Variants in PREX1 observed in about 807,000 individuals in gnomAD.
PREX1 encodes phosphatidylinositol 3,4,5-trisphosphate-dependent Rac exchanger 1 protein.
PREX1 carries 41 observed loss-of-function variants against 198.3 expected under a neutral mutation model. That is an observed-to-expected ratio of 0.21 (90% confidence interval 0.16 to 0.27). The LOEUF (loss-of-function observed/expected upper bound fraction) is 0.27, where lower values mean the gene tolerates loss of function less well. Ranked by LOEUF, PREX1 falls within the 10% of genes least tolerant of loss-of-function variation. PREX1 has a pLI of 1.00. For synonymous variants in PREX1, 843 were observed against 887.2 expected (o/e 0.95, Z 0.89); for missense variants, 1,620 against 2,200.7 (o/e 0.74, Z 5.28).
the PREX1 span, among the ~76,000 whole-genome samples, chr20:48,876,023 G>C: frequency 1.3e-5 from 2 of 152,170 alleles, no homozygotes; most frequent in South Asian, 4.1e-4. Flanking sequence ...GGCCTGATCA[G>C]ATGGTTCGTA....
chr20:48,721,383 C>G (rs2089984530), intron 5 of PREX1, among the ~76,000 whole-genome samples: 2 of 152,200 alleles, frequency 1.3e-5, no homozygotes, highest in South Asian at 4.1e-4. Context: ...CAGAGGTGGC[C>G]AGGGAAGGCC....
chr20:48,630,927 C>A lies in PREX1; in HGVS notation c.4527-133G>T, dbSNP rs1362543169. On this transcript the variant is annotated intron_variant, in intron 35 of 39. Transcript: ENST00000371941. The stretch of plus-strand genomic sequence containing the variant: ...TCTCAGAATGAAATCCCTGAGAGCG[C>A]CTGCAGGCTGTGCTCACCCGCAGGC... 15 of 697,628 alleles carry A rather than the reference C, an allele frequency of 2.2e-5. No individual in the cohort carries two copies. In the African/African-American group the frequency reaches 2.7e-4, roughly 12 times the overall value. 43.2% of individuals were successfully genotyped at this position (697,628 alleles called of 1,614,324 possible). A position where few individuals can be genotyped will look rare whatever the true frequency, so the allele number is the denominator to read the frequency against.
intron 1 of PREX1, among the ~76,000 whole-genome samples, chr20:48,763,474 G>A (rs1409313093): frequency 6.6e-6 from 1 of 152,208 alleles, no homozygotes; most frequent in Non-Finnish European, 1.5e-5. Context: ...GTCTGCAGCA[G>A]GACAATGAGT....
intron 1 of PREX1, among the ~76,000 whole-genome samples, chr20:48,788,901 C>A (rs1353698312): frequency 8.5e-5 from 13 of 152,178 alleles, no homozygotes; most frequent in Admixed American, 8.5e-4. Context: ...GCTCAGCCCC[C>A]CTGCCACGTG....
At chr20:48,747,301 T>G (rs2090113214) in intron 2 of PREX1, among the ~76,000 whole-genome samples, 1 of 152,126 alleles carries the variant, frequency 6.6e-6, no homozygotes, top group African/African-American at 2.4e-5. Flanking sequence ...GGCTGAGCCA[T>G]GCACACAGAA....
the PREX1 span, among the ~76,000 whole-genome samples, chr20:48,863,633 G>C: frequency 6.8e-6 from 1 of 147,740 alleles, no homozygotes; most frequent in African/African-American, 2.5e-5. Flanking sequence ...TGTCGCCCAG[G>C]CTGGGATGCA....
chr20:48,846,649 A>C, the PREX1 span, among the ~76,000 whole-genome samples: 2 of 152,200 alleles, frequency 1.3e-5, no homozygotes, highest in East Asian at 1.9e-4. Flanking sequence ...CCTGGACCCC[A>C]GCAAAACTTC....
intron 3 of PREX1, among the ~76,000 whole-genome samples, chr20:48,742,381 G>A (rs1322838471): frequency 1.3e-5 from 2 of 152,184 alleles, no homozygotes; most frequent in East Asian, 3.9e-4. Context: ...CCTAGAAGGT[G>A]AGTTTTGTGA....
intron 37 of PREX1, 135 bp downstream of exon 37, chr20:48,629,314 G>C: frequency 8.1e-7 from 1 of 1,236,310 alleles, no homozygotes. Context: ...GGTGCAGACA[G>C]AGCCAAGGCT....
At chr20:48,681,150 C>A (rs371416713) in intron 11 of PREX1, 85 bp downstream of exon 11, 13 of 1,153,178 alleles carry the variant, frequency 1.1e-5, no homozygotes, top group East Asian at 7.0e-5. Context: ...AGGATAGGAG[C>A]TGCCTGAGCT....
intron 6 of PREX1, among the ~76,000 whole-genome samples, chr20:48,703,003 G>C (rs910265197): frequency 6.6e-6 from 1 of 152,200 alleles, no homozygotes; most frequent in Non-Finnish European, 1.5e-5. Context: ...GAGAGAGGGA[G>C]AATTATTCAC....
chr20:48,697,313 C>CA (rs2089851954), intron 7 of PREX1, among the ~76,000 whole-genome samples: 1 of 151,998 alleles, frequency 6.6e-6, no homozygotes, highest in Non-Finnish European at 1.5e-5. Flanking sequence ...AAGACAGGCG[C>CA]AAACAGCTGA....
rs76853109 is a variant in PREX1 at position 48,801,698 on chromosome 20, T to C, written c.219+25944A>G. ...CCCCACTTATCTTTGTCCCCTGCTATGGTTTAGCTATGGCTTATTTGTCCC... is the reference window on the plus strand; with the variant it reads ...CCCCACTTATCTTTGTCCCCTGCTACGGTTTAGCTATGGCTTATTTGTCCC... On this transcript the variant is annotated intron_variant, in intron 1 of 39. Transcript: ENST00000371941. Among the ~76,000 whole-genome samples the C allele has an allele frequency of 3.3e-5, 5 of 152,356 alleles. No individual in the cohort carries two copies. In the East Asian group the frequency reaches 9.6e-4, roughly 29 times the overall value.
intron 1 of PREX1, among the ~76,000 whole-genome samples, chr20:48,815,212 A>G (rs1159998239): frequency 6.6e-6 from 1 of 152,214 alleles, no homozygotes; most frequent in Non-Finnish European, 1.5e-5. Context: ...CCTTCTCTCA[A>G]TAACTACCAG....
At chr20:48,673,873 T>C (rs2089692295) in intron 14 of PREX1, among the ~76,000 whole-genome samples, 1 of 152,262 alleles carries the variant, frequency 6.6e-6, no homozygotes, top group Non-Finnish European at 1.5e-5. Context: ...GGCACCATTC[T>C]AAGCACTTTA....
Position 48,645,839 on chromosome 20 carries a change from G to A in PREX1, c.3512+12C>T, listed in dbSNP as rs755660660. 55 of 1,613,208 alleles carry A rather than the reference G, an allele frequency of 3.4e-5. 1 individual carries two copies. Among genetic ancestry groups the A allele is most frequent in the Middle Eastern group, 3.3e-4 (2 of 6,074 alleles). On this transcript the variant is annotated intron_variant, in intron 26 of 39. Coordinates refer to ENST00000371941, the MANE Select transcript of PREX1 (RefSeq NM_020820.4). ...CCTCATCTAACCTCAGCCCCCTGACGGTGACACCCACCTGTAGGAGTCGCG... is the reference window on the plus strand; with the variant it reads ...CCTCATCTAACCTCAGCCCCCTGACAGTGACACCCACCTGTAGGAGTCGCG...
chr20:48,640,134 A>G (rs763623428), intron 29 of PREX1, among the ~76,000 whole-genome samples: 6 of 152,218 alleles, frequency 3.9e-5, no homozygotes, highest in Non-Finnish European at 8.8e-5. Context: ...TCTGAGACCA[A>G]GACTCCCCAC....
chr20:48,839,790 C>T, the PREX1 span, among the ~76,000 whole-genome samples: 1 of 152,148 alleles, frequency 6.6e-6, no homozygotes, highest in South Asian at 2.1e-4. Flanking sequence ...CCTCCTTGCT[C>T]CTTTCCCTTA....
intron 7 of PREX1, among the ~76,000 whole-genome samples, chr20:48,700,145 CAAAG>C (rs2089866422): frequency 6.6e-6 from 1 of 152,224 alleles, no homozygotes; most frequent in Non-Finnish European, 1.5e-5. Context: ...GTGAAAGACA[CAAAG>C]AAGGTGAAGA....
Sources: gnomAD v4.1 joint callset for allele counts (sites outside exome capture counted in the v4.1 genomes callset) on GRCh38, gnomAD v4.1.1 for gene constraint, MANE v1.5 for transcripts, NCBI Gene and HGNC (gene_info 2026-07-23, HGNC 2026-07-21) for gene names.